Variants in MYBPC2 observed in about 807,000 individuals in gnomAD.
MYBPC2 encodes the protein myosin-binding protein C, fast-type.
In MYBPC2, 122 loss-of-function variants were observed where a neutral mutation model predicts 137.0. The ratio of observed to expected loss-of-function variants is 0.89; its 90% confidence interval spans 0.77 to 1.03. MYBPC2 has a LOEUF of 1.03. Among genes scored for constraint, MYBPC2 ranks in the 50% least tolerant of loss-of-function variants. The pLI is 0.00. For synonymous variants in MYBPC2, 626 were observed against 612.3 expected (o/e 1.02, Z -0.33); for missense variants, 1,500 against 1,534.4 (o/e 0.98, Z 0.37).
chr19:50,442,573 G>T (rs534724758), intron 9 of MYBPC2, among the ~76,000 whole-genome samples: 2 of 151,698 alleles, frequency 1.3e-5, no homozygotes, highest in East Asian at 4.0e-4. Flanking sequence ...AAAATTAGCC[G>T]GGTGTGGTGG....
rs1331930686 is a variant in MYBPC2, at chr19:50,440,899, A to G, written c.592A>G (p.Lys198Glu). 4.3e-6 allele frequency: 7 copies of G among 1,610,064 alleles called. No homozygotes were observed. The highest frequency in any genetic ancestry group is 5.9e-6 in the Non-Finnish European group (7 of 1,177,854). Residue 198 changes from lysine (K) to glutamate (E), a missense_variant, in exon 8 of 28, where the codon AAG becomes GAG. By Grantham distance (56) the Lys-to-Glu change is moderately conservative (BLOSUM62 1). Coordinates refer to ENST00000357701, the MANE Select transcript of MYBPC2 (RefSeq NM_004533.4). ...LKKREVVEEE[K>E]KKKKKDDDDL... ...CGCCAGGGAGGTGGTGGAGGAGGAGAAGAAGAAGAAAAAGAAAGATGACGA... is the reference window on the plus strand; with the variant it reads ...CGCCAGGGAGGTGGTGGAGGAGGAGGAGAAGAAGAAAAAGAAAGATGACGA...
chr19:50,459,395 G>C, intron 23 of MYBPC2, 89 bp downstream of exon 23: 1 of 1,381,440 alleles, frequency 7.2e-7, no homozygotes, highest in South Asian at 1.4e-5. Context: ...GGGTGGGGAA[G>C]GAGGTGGGAG....
intron 26 of MYBPC2, 27 bp from the exon 27 acceptor site, chr19:50,464,319 G>T: frequency 3.8e-6 from 6 of 1,576,888 alleles, no homozygotes; most frequent in Non-Finnish European, 5.2e-6. Flanking sequence ...TCTCTAAGTT[G>T]GCCTCCTCTC....
intron 7 of MYBPC2, among the ~76,000 whole-genome samples, chr19:50,440,084 T>C (rs11084016): frequency 0.057 from 8,652 of 152,048 alleles, 323 homozygotes; most frequent in East Asian, 0.14. Flanking sequence ...TGGGGTGTGA[T>C]GGCCAGGCGG....
chr19:50,443,438 C>T (rs1166460451), intron 9 of MYBPC2, 56 bp from the exon 10 acceptor site: 26 of 1,588,860 alleles, frequency 1.6e-5, no homozygotes, highest in Non-Finnish European at 4.3e-6. Flanking sequence ...AGCAGAGCTA[C>T]CCCAGGGATA....
At chr19:50,450,776 A>G (rs1484560789) in intron 13 of MYBPC2, 53 bp from the exon 14 acceptor site, 5 of 1,328,944 alleles carry the variant, frequency 3.8e-6, no homozygotes, top group Non-Finnish European at 5.3e-6. Context: ...GCAGCCCCAT[A>G]GTGGTCCCAT....
At chr19:50,440,331 T>TAAAA (rs2039739677) in intron 7 of MYBPC2, among the ~76,000 whole-genome samples, 1 of 140,754 alleles carries the variant, frequency 7.1e-6, no homozygotes, top group South Asian at 2.1e-4. Flanking sequence ...ATAAAATAAA[T>TAAAA]AAATAAATAA....
At chr19:50,436,300 G>A in intron 4 of MYBPC2, 140 bp downstream of exon 4, 1 of 1,346,016 alleles carries the variant, frequency 7.4e-7, no homozygotes, top group Non-Finnish European at 1.0e-6. Context: ...GATGGAGGTT[G>A]TGCGGGGCTG....
chr19:50,465,178 G>A lies in MYBPC2; in HGVS notation c.3415+646G>A, dbSNP rs887119866. Among the ~76,000 whole-genome samples, 9 of 151,328 alleles carry A rather than the reference G, an allele frequency of 5.9e-5. No homozygotes were observed. Among genetic ancestry groups the A allele is most frequent in the South Asian group, 2.1e-4 (1 of 4,776 alleles). On this transcript the variant is annotated intron_variant, in intron 27 of 27. Transcript: ENST00000357701. This position sits in a 1 kb window ranked among gnomAD's most constrained non-coding sequence, Gnocchi z 4.5. ...CCCAGCCCGCTGGGGACTCCCCACC[G>A]CCCCAGCGCCCCTCCGCCTGGTGTT...
chr19:50,456,377 T>TATCC (rs55969422), intron 20 of MYBPC2, among the ~76,000 whole-genome samples: 48 of 139,818 alleles, frequency 3.4e-4, no homozygotes, highest in Non-Finnish European at 2.7e-4. Context: ...TCCATCCATC[T>TATCC]ATCCATCCAT....
intron 20 of MYBPC2, among the ~76,000 whole-genome samples, chr19:50,457,688 T>TG (rs1568667320): frequency 6.7e-6 from 1 of 150,200 alleles, no homozygotes; most frequent in African/African-American, 2.5e-5. Flanking sequence ...AAGTTTTTTT[T>TG]TTTTTTTTTT....
intron 11 of MYBPC2, among the ~76,000 whole-genome samples, chr19:50,445,074 A>G (rs567236276): frequency 2.3e-4 from 35 of 152,224 alleles, no homozygotes; most frequent in African/African-American, 7.9e-4. Context: ...TGAAAGGAGC[A>G]GTAATGGATG....
chr19:50,466,310 G>A lies in MYBPC2; in HGVS notation c.*105G>A. ...TGGAGTTTTCGCTGAGAACAAAACA[G>A]TGTTGTCTGGACCCTGGAGTGTCTG... is the stretch of plus-strand genomic sequence containing the variant. On this transcript the variant is annotated 3_prime_UTR_variant, in exon 28 of 28. Transcript: ENST00000357701. The surrounding 1 kb of genome is among the most constrained non-coding windows in gnomAD (Gnocchi z 4.9). 6.7e-7 allele frequency: 1 copy of A among 1,493,064 alleles called. No individual in the cohort carries two copies. The highest frequency in any genetic ancestry group is 1.2e-5 in the South Asian group (1 of 85,438). 92.5% of individuals were successfully genotyped at this position (1,493,064 alleles called of 1,614,324 possible).
In MYBPC2 at chr19:50,448,222, C is replaced by G. The variant is rs778263493; in HGVS notation, c.1307-3C>G. 5.6e-6 allele frequency: 9 copies of G among 1,612,476 alleles called. No homozygotes were observed. In the African/African-American group the frequency reaches 8.0e-5, roughly 14 times the overall value. ...GGCTCCTTGTCTTTCTCTCCCTGACCAGAGAAACAGCTGGAGGTCCTGCAG... is the reference window on the plus strand; with the variant it reads ...GGCTCCTTGTCTTTCTCTCCCTGACGAGAGAAACAGCTGGAGGTCCTGCAG... On this transcript the variant is annotated splice_region_variant and splice_polypyrimidine_tract_variant and intron_variant, in intron 12 of 27. Coordinates refer to ENST00000357701, the MANE Select transcript of MYBPC2 (RefSeq NM_004533.4).
Position 50,461,450 on chromosome 19 carries a change from C to A in MYBPC2, c.2932-92C>A, listed in dbSNP as rs1050116177. 5 of 1,350,708 alleles carry A rather than the reference C, an allele frequency of 3.7e-6. No homozygotes were observed. In the African/African-American group the frequency reaches 5.8e-5, roughly 16 times the overall value. 83.7% of individuals were successfully genotyped at this position (1,350,708 alleles called of 1,614,324 possible). A position where few individuals can be genotyped will look rare whatever the true frequency, so the allele number is the denominator to read the frequency against. ...GACATTTTTTTAAACACTGGATGTG[C>A]TTTTCTCACCCCTTCTTTCGTCTGT... On this transcript the variant is annotated intron_variant, in intron 24 of 27. Coordinates refer to ENST00000357701, the MANE Select transcript of MYBPC2 (RefSeq NM_004533.4).
chr19:50,461,837 C>T (rs1386348184), intron 25 of MYBPC2, 63 bp from the exon 26 acceptor site: 4 of 1,576,568 alleles, frequency 2.5e-6, no homozygotes, highest in Non-Finnish European at 3.4e-6. Flanking sequence ...GCGGTTTGTT[C>T]CCTGGTTGGT....
At chr19:50,434,158 G>A (rs753546597) in intron 1 of MYBPC2, among the ~76,000 whole-genome samples, 7 of 152,178 alleles carry the variant, frequency 4.6e-5, no homozygotes, top group Non-Finnish European at 8.8e-5. Flanking sequence ...AGCAGTTCAA[G>A]GCCAGCCTGG....
chr19:50,442,048 A>T, intron 8 of MYBPC2, 133 bp from the exon 9 acceptor site: 1 of 1,175,966 alleles, frequency 8.5e-7, no homozygotes, highest in Non-Finnish European at 1.2e-6. Context: ...CTAAGTTCAT[A>T]GGAGGCCCCC....
chr19:50,461,481 GTGT>G, intron 24 of MYBPC2, 58 bp from the exon 25 acceptor site: 1 of 1,520,326 alleles, frequency 6.6e-7, no homozygotes, highest in Non-Finnish European at 9.0e-7. Context: ...TCTGTGTCTT[GTGT>G]GTAATCGTGT....
Sources: allele counts gnomAD v4.1 joint callset (sites outside exome capture counted in the v4.1 genomes callset), GRCh38; gene constraint gnomAD v4.1.1; non-coding constraint Gnocchi (gnomAD v3.1); transcripts MANE v1.5; gene names NCBI Gene and HGNC (gene_info 2026-07-23, HGNC 2026-07-21).